Variants in KLF12 observed in about 807,000 individuals in gnomAD.
KLF12 encodes KLF transcription factor 12, also known as Krueppel-like factor 12.
A neutral mutation model predicts 37.8 loss-of-function variants in KLF12; 9 were observed. The observed-to-expected ratio is 0.24, with a 90% CI of 0.14 to 0.42. The LOEUF (loss-of-function observed/expected upper bound fraction) is 0.42. KLF12 is among the 10% of genes least tolerant of loss of function. The probability of loss-of-function intolerance (pLI) is 1.00; values close to 1 mark genes in which losing one functional copy is unlikely to be tolerated. For synonymous variants in KLF12, 208 were observed against 202.1 expected (o/e 1.03, Z -0.25); for missense variants, 411 against 516.0 (o/e 0.80, Z 1.97).
At chr13:73,869,193 A>T (rs1374367879) in intron 3 of KLF12, among the ~76,000 whole-genome samples, 1 of 152,224 alleles carries the variant, frequency 6.6e-6, no homozygotes, top group African/African-American at 2.4e-5. Context: ...ACTTTAATTC[A>T]TTAAACATTA....
At chr13:74,188,749 A>G in the KLF12 span, among the ~76,000 whole-genome samples, 1 of 152,116 alleles carries the variant, frequency 6.6e-6, no homozygotes, top group South Asian at 2.1e-4. Context: ...TAATCTCAGC[A>G]CTTTGGAAGG....
chr13:73,762,664 C>T (rs562058816), intron 6 of KLF12, among the ~76,000 whole-genome samples: 1 of 152,262 alleles, frequency 6.6e-6, no homozygotes, highest in African/African-American at 2.4e-5. Flanking sequence ...TTGAACTTGA[C>T]ATGTAATCCT....
the KLF12 span, among the ~76,000 whole-genome samples, chr13:74,173,729 C>G: frequency 6.6e-6 from 1 of 152,138 alleles, no homozygotes; most frequent in Non-Finnish European, 1.5e-5. Context: ...AAGATTTGGT[C>G]TTTTTGTTAT....
At chr13:74,147,138 GT>G in the KLF12 span, among the ~76,000 whole-genome samples, 1 of 152,196 alleles carries the variant, frequency 6.6e-6, no homozygotes, top group South Asian at 2.1e-4. Flanking sequence ...GAAAAGATGA[GT>G]GAGCTTTTCC....
chr13:74,117,294 C>T (rs1877365506), intron 1 of KLF12, among the ~76,000 whole-genome samples: 1 of 151,990 alleles, frequency 6.6e-6, no homozygotes, highest in Non-Finnish European at 1.5e-5. Context: ...TCCTGTAATA[C>T]CAGAAAGTTA....
chr13:73,997,763 C>T (rs916245958), intron 1 of KLF12, among the ~76,000 whole-genome samples: 4 of 152,212 alleles, frequency 2.6e-5, no homozygotes, highest in Non-Finnish European at 5.9e-5. Flanking sequence ...TTTTGGTCCT[C>T]ATTTTCCTGG....
intron 5 of KLF12, among the ~76,000 whole-genome samples, chr13:73,808,137 T>C (rs991428956): frequency 1.3e-5 from 2 of 152,156 alleles, no homozygotes; most frequent in Non-Finnish European, 2.9e-5. Context: ...ATTTCATAAC[T>C]ATGTTTGTCA....
chr13:73,774,178 T>C (rs1880440130), intron 5 of KLF12, among the ~76,000 whole-genome samples: 2 of 152,012 alleles, frequency 1.3e-5, no homozygotes, highest in Non-Finnish European at 1.5e-5. Context: ...GAACTCACAA[T>C]AGTAGTCTTA....
chr13:73,834,886 A>G (rs547418415), intron 4 of KLF12, among the ~76,000 whole-genome samples: 1 of 152,282 alleles, frequency 6.6e-6, no homozygotes, highest in East Asian at 1.9e-4. Context: ...CCTCTCAGCA[A>G]AACTTCCTAG....
intron 1 of KLF12, among the ~76,000 whole-genome samples, chr13:74,061,171 T>C (rs1873570459): frequency 6.6e-6 from 1 of 152,186 alleles, no homozygotes; most frequent in Non-Finnish European, 1.5e-5. Context: ...TCAGATATAT[T>C]CTCTCAAAAC....
chr13:74,204,361 G>A, the KLF12 span, among the ~76,000 whole-genome samples: 2 of 152,102 alleles, frequency 1.3e-5, no homozygotes, highest in Non-Finnish European at 2.9e-5. Flanking sequence ...TTTGTAATGG[G>A]AAAGTTTGGG....
At chr13:74,122,169 A>T (rs1025808719) in intron 1 of KLF12, among the ~76,000 whole-genome samples, 2 of 152,096 alleles carry the variant, frequency 1.3e-5, no homozygotes, top group South Asian at 2.1e-4. Flanking sequence ...TATGAAAAAA[A>T]TTACTTGCAA....
At chr13:74,246,861 G>C in the KLF12 span, among the ~76,000 whole-genome samples, 1 of 152,160 alleles carries the variant, frequency 6.6e-6, no homozygotes, top group African/African-American at 2.4e-5. Flanking sequence ...AGTGGCTCAT[G>C]GTGTTAAAAA....
chr13:74,163,841 A>G, the KLF12 span, among the ~76,000 whole-genome samples: 1 of 150,926 alleles, frequency 6.6e-6, no homozygotes, highest in African/African-American at 2.4e-5. Context: ...TGCACCCCGT[A>G]TATATATATA....
intron 3 of KLF12, among the ~76,000 whole-genome samples, chr13:73,906,309 CT>C (rs1325217249): frequency 6.6e-6 from 1 of 152,000 alleles, no homozygotes; most frequent in Non-Finnish European, 1.5e-5. Flanking sequence ...CAAATATTGA[CT>C]CTCCTTTTTC....
intron 3 of KLF12, among the ~76,000 whole-genome samples, chr13:73,918,581 T>C (rs1252743266): frequency 6.6e-6 from 1 of 152,216 alleles, no homozygotes; most frequent in Non-Finnish European, 1.5e-5. Flanking sequence ...CTCTGTGATG[T>C]GAGCTAGATA....
At chr13:73,824,579 C>T (rs150111876) in intron 4 of KLF12, among the ~76,000 whole-genome samples, 21 of 152,242 alleles carry the variant, frequency 1.4e-4, no homozygotes, top group African/African-American at 4.8e-4. Context: ...AACAGTATTA[C>T]TGTATTTTTT....
intron 7 of KLF12, among the ~76,000 whole-genome samples, chr13:73,698,138 CAG>C (rs1874278862): frequency 6.8e-6 from 1 of 146,210 alleles, no homozygotes; most frequent in Admixed American, 7.1e-5. Flanking sequence ...GCCTGGGTGG[CAG>C]AGTATGACCC....
intron 3 of KLF12, 116 bp downstream of exon 3, chr13:73,943,865 A>G (rs1890300940): frequency 1.5e-6 from 1 of 674,538 alleles, no homozygotes; most frequent in African/African-American, 1.8e-5. Flanking sequence ...TTAACCTGAG[A>G]GAGAAAAGCT....
Sources: allele counts gnomAD v4.1 joint callset (sites outside exome capture counted in the v4.1 genomes callset), GRCh38; gene constraint gnomAD v4.1.1; transcripts MANE v1.5; gene names NCBI Gene and HGNC (gene_info 2026-07-23, HGNC 2026-07-21).